The following CACNG6 variants were observed in gnomAD, a reference collection of about 807,000 sequenced individuals.
CACNG6 encodes voltage-dependent calcium channel gamma-6 subunit.
In CACNG6, 21 loss-of-function variants were observed where a neutral mutation model predicts 23.9. The ratio of observed to expected loss-of-function variants is 0.88; its 90% CI spans 0.62 to 1.26. The LOEUF is 1.26. CACNG6 is among the 50% of genes most tolerant of loss of function. The pLI is 0.00. For synonymous variants in CACNG6, 182 were observed against 168.9 expected (o/e 1.08, Z -0.60); for missense variants, 340 against 352.9 (o/e 0.96, Z 0.29).
intron 3 of CACNG6, among the ~76,000 whole-genome samples, chr19:54,008,654 C>T (rs945099459): frequency 1.3e-5 from 2 of 152,200 alleles, no homozygotes; most frequent in Non-Finnish European, 2.9e-5. Flanking sequence ...AGGACCCTCG[C>T]GTCAGCACCT....
At chr19:54,010,002 CT>C (rs914389871) in intron 3 of CACNG6, among the ~76,000 whole-genome samples, 21 of 148,706 alleles carry the variant, frequency 1.4e-4, no homozygotes, top group African/African-American at 5.0e-4. Context: ...CTCTATCACT[CT>C]TTTAAAAAAC....
intron 3 of CACNG6, among the ~76,000 whole-genome samples, chr19:54,006,275 CTATT>C (rs1276220848): frequency 1.3e-5 from 2 of 151,050 alleles, no homozygotes; most frequent in African/African-American, 2.4e-5. Flanking sequence ...GGGTGGCTCT[CTATT>C]TATTTATGCC....
At position 54,002,289 on chromosome 19, in the gene CACNG6, T is replaced by TTG. The variant is rs1555818505; in HGVS notation, c.544+2519_544+2520insGT. Among the ~76,000 whole-genome samples the TTG allele has an allele frequency of 5.5e-4, 81 of 146,104 alleles. 2 individuals are homozygous for TTG. The East Asian group carries it at 0.013, about 23-fold the overall frequency. ...TCGGTTTTTTTGTTTTTTTTGTTTT[T>TTG]TTTTTTTTTGTAGAGATAGGGTTTC... On this transcript the variant is annotated intron_variant, in intron 3 of 3. Transcript: ENST00000252729.
rs189511425 is a variant in CACNG6 at position 54,010,113 on chromosome 19, C to G, written c.545-1838C>G. Among the ~76,000 whole-genome samples the G allele has an allele frequency of 1.7e-3, 258 of 149,228 alleles. 2 individuals carry two copies. Among genetic ancestry groups the G allele is most frequent in the African/African-American group, 6.3e-3 (253 of 40,320 alleles). The stretch of plus-strand genomic sequence containing the variant: ...TTGGCTCACCACAACCTCCGCCTCC[C>G]AGGTTCAAGCAATTCTCCTGCCTCA... On this transcript the variant is annotated intron_variant, in intron 3 of 3. Coordinates refer to ENST00000252729, the MANE Select transcript of CACNG6 (RefSeq NM_145814.2).
intron 1 of CACNG6, among the ~76,000 whole-genome samples, chr19:53,993,501 CAG>C (rs576723636): frequency 6.4e-4 from 98 of 152,128 alleles, no homozygotes; most frequent in African/African-American, 2.3e-3. Flanking sequence ...AATGTGCCTA[CAG>C]GGAGTCTGTG....
intron 3 of CACNG6, among the ~76,000 whole-genome samples, chr19:54,002,280 T>TTTTTTTG (rs1457711519): frequency 7.4e-6 from 1 of 135,126 alleles, no homozygotes; most frequent in Non-Finnish European, 1.5e-5. Context: ...TTTTTGTTTT[T>TTTTTTTG]TTTGTTTTTT....
In CACNG6 at chr19:54,012,165, C is replaced by T. The variant is rs1352363507; in HGVS notation, c.759C>T (p.Pro253=). ...CCTGGCCCTGGGGGTCCCTCTGTCC[C>T]AAGCGGGGGCACCGGGCCACCTAGA... The part of the protein sequence containing the change: ...LPSWPWGSLC[P]KRGHRAT The change falls in exon 4 of 4, where the codon CCC becomes CCT. Residue 253 remains proline, a synonymous_variant. Coordinates refer to ENST00000252729, the MANE Select transcript of CACNG6 (RefSeq NM_145814.2). 5 of 1,450,060 alleles carry T rather than the reference C, an allele frequency of 3.4e-6. No homozygotes were observed. The South Asian group carries it at 5.7e-5, about 17-fold the overall frequency. The allele number at this position is 1,450,060 out of a possible 1,614,324, so 89.8% of individuals were successfully genotyped here. A position where few individuals can be genotyped will look rare whatever the true frequency, so the allele number is the denominator to read the frequency against.
At chr19:53,993,285 A>G (rs919254907) in intron 1 of CACNG6, 77 bp downstream of exon 1, 4 of 1,401,034 alleles carry the variant, frequency 2.9e-6, no homozygotes, top group Admixed American at 2.5e-5. Flanking sequence ...CCGAGGAGAA[A>G]ACCCGCCCCA....
At chr19:54,004,819 G>T (rs1421406344) in intron 3 of CACNG6, among the ~76,000 whole-genome samples, 1 of 152,070 alleles carries the variant, frequency 6.6e-6, no homozygotes, top group African/African-American at 2.4e-5. Context: ...TTAAGTCTCT[G>T]GTCAAATGTC....
chr19:53,996,389 C>G (rs2069520741), intron 1 of CACNG6, among the ~76,000 whole-genome samples: 1 of 102,724 alleles, frequency 9.7e-6, no homozygotes, highest in African/African-American at 4.2e-5. Flanking sequence ...TTTAAAATTT[C>G]TCTCTCTCTC....
chr19:53,991,529 G>A (rs1022768348), upstream of CACNG6, among the ~76,000 whole-genome samples: 1 of 150,206 alleles, frequency 6.7e-6, no homozygotes, highest in African/African-American at 2.4e-5. Flanking sequence ...GGCGCCGGGC[G>A]ACAGGTGCGG....
At chr19:53,991,394 C>T (rs1397273501), upstream of CACNG6, among the ~76,000 whole-genome samples, 1 of 151,858 alleles carries the variant, frequency 6.6e-6, no homozygotes, top group Non-Finnish European at 1.5e-5. Context: ...GGAGCTGGGA[C>T]TCTCGGCGCC....
At chr19:53,995,471 G>T (rs2069511110) in intron 1 of CACNG6, among the ~76,000 whole-genome samples, 1 of 152,138 alleles carries the variant, frequency 6.6e-6, no homozygotes, top group Admixed American at 6.6e-5. Context: ...CACTTTTCCA[G>T]ATGGGATGTG....
chr19:53,999,814 G>A, intron 3 of CACNG6, 43 bp downstream of exon 3: 1 of 1,605,624 alleles, frequency 6.2e-7, no homozygotes, highest in Non-Finnish European at 8.5e-7. Context: ...TGCATGCTGG[G>A]AGGATCTCCA....
At chr19:53,999,163 G>GCCAAGACTT (rs1568813392) in intron 2 of CACNG6, among the ~76,000 whole-genome samples, 1 of 152,158 alleles carries the variant, frequency 6.6e-6, no homozygotes, top group African/African-American at 2.4e-5. Flanking sequence ...ACCGCACCTG[G>GCCAAGACTT]TCCACAGGAG....
rs1254371394 is a variant in CACNG6 at position 53,992,229 on chromosome 19, C to T, written c.-649C>T. 1.3e-5 allele frequency: 2 copies of T among 152,254 alleles called. No homozygotes were observed. Among genetic ancestry groups the T allele is most frequent in the African/African-American group, 2.4e-5 (1 of 41,462 alleles). The allele number at this position is 152,254 out of a possible 1,614,324, so 9.4% of individuals were successfully genotyped here. A position where few individuals can be genotyped will look rare whatever the true frequency, so the allele number is the denominator to read the frequency against. ...TCTTGAGACCCGGATTGAATTCCGA[C>T]CTCCCCTTGGGAGCTTCCCGGGACC... On this transcript the variant is annotated 5_prime_UTR_variant, in exon 1 of 4. Transcript: ENST00000252729. This position sits in a 1 kb window ranked among gnomAD's most constrained non-coding sequence, Gnocchi z 4.1.
At chr19:54,004,242 C>T (rs1431090596) in intron 3 of CACNG6, among the ~76,000 whole-genome samples, 3 of 151,842 alleles carry the variant, frequency 2.0e-5, no homozygotes, top group African/African-American at 4.8e-5. Flanking sequence ...CTCACTGAAA[C>T]GTCTGACTCC....
At chr19:54,005,210 AAAATAAATAAAT>A (rs369829612) in intron 3 of CACNG6, among the ~76,000 whole-genome samples, 18,119 of 132,734 alleles carry the variant, frequency 0.14, 2,705 homozygotes, top group African/African-American at 0.38. Context: ...CTCCATCTCA[AAAATAAATAAAT>A]AAATAAATAA....
intron 3 of CACNG6, among the ~76,000 whole-genome samples, chr19:54,010,601 A>G (rs8113013): frequency 0.047 from 7,070 of 151,514 alleles, 503 homozygotes; most frequent in African/African-American, 0.15. Context: ...AAGAATTGGG[A>G]TCTTGCTGTG....
Sources: allele counts gnomAD v4.1 joint callset (sites outside exome capture counted in the v4.1 genomes callset), GRCh38; gene constraint gnomAD v4.1.1; non-coding constraint Gnocchi (gnomAD v3.1); transcripts MANE v1.5; gene names NCBI Gene and HGNC (gene_info 2026-07-23, HGNC 2026-07-21).